The following IGSF5 variants were observed in gnomAD, a reference collection of about 807,000 sequenced individuals.
IGSF5 encodes the protein immunoglobulin superfamily member 5, also known as immunoglobulin superfamily 5 like.
A neutral mutation model predicts 39.4 loss-of-function variants in IGSF5; 41 were observed. That is an observed-to-expected ratio of 1.04 (90% CI 0.81 to 1.35). The LOEUF (loss-of-function observed/expected upper bound fraction) is 1.35. Among genes scored for constraint, IGSF5 ranks in the 40% most tolerant of loss-of-function variants. IGSF5 has a pLI of 0.00. For missense variants in IGSF5, 487 were observed against 494.6 expected, an observed-to-expected ratio of 0.98 and a Z score of 0.15; for synonymous variants, 183 against 175.3, an observed-to-expected ratio of 1.04 and a Z score of -0.34.
chr21:39,722,895 C>T, the IGSF5 span, among the ~76,000 whole-genome samples: 5 of 152,266 alleles, frequency 3.3e-5, no homozygotes, highest in Admixed American at 2.0e-4. Context: ...ATCAACATCA[C>T]CAAAAGCATC....
intron 2 of IGSF5, among the ~76,000 whole-genome samples, chr21:39,755,947 T>G (rs1197862993): frequency 2.5e-5 from 1 of 39,786 alleles, no homozygotes; most frequent in African/African-American, 8.4e-5. Flanking sequence ...CTACTAAAAA[T>G]ACAAAAAAAA....
chr21:39,728,236 A>AAGTT, the IGSF5 span, among the ~76,000 whole-genome samples: 8 of 152,270 alleles, frequency 5.3e-5, no homozygotes, highest in South Asian at 1.7e-3. Flanking sequence ...GGGTCTCTGC[A>AAGTT]GATGTAATCA....
chr21:39,746,716 G>GACTTT (rs2079977077), intron 2 of IGSF5, among the ~76,000 whole-genome samples: 2 of 152,132 alleles, frequency 1.3e-5, no homozygotes, highest in African/African-American at 2.4e-5. Context: ...ATGCTTGCGT[G>GACTTT]CTGTGAATAA....
intron 3 of IGSF5, among the ~76,000 whole-genome samples, chr21:39,768,256 G>A (rs767982539): frequency 7.3e-6 from 1 of 137,286 alleles, no homozygotes; most frequent in Non-Finnish European, 1.6e-5. Context: ...AATGTTCTCT[G>A]AGCAACAGGG....
Sources: allele counts gnomAD v4.1 joint callset (sites outside exome capture counted in the v4.1 genomes callset), GRCh38; gene constraint gnomAD v4.1.1; transcripts MANE v1.5; gene names NCBI Gene and HGNC (gene_info 2026-07-23, HGNC 2026-07-21).